Variants in ATRN observed in about 807,000 individuals in gnomAD.
The protein encoded by ATRN is attractin.
ATRN carries 54 observed loss-of-function variants against 178.7 expected under a neutral mutation model. The ratio of observed to expected loss-of-function variants is 0.30; its 90% confidence interval spans 0.24 to 0.38. The LOEUF is 0.38. ATRN is among the 10% of genes least tolerant of loss of function. The probability of loss-of-function intolerance (pLI) is 1.00; values close to 1 mark genes in which losing one functional copy is unlikely to be tolerated. For missense variants in ATRN, 1,443 were observed against 1,815.1 expected, an observed-to-expected ratio of 0.79 and a Z score of 3.73; for synonymous variants, 636 against 663.0, an observed-to-expected ratio of 0.96 and a Z score of 0.63.
At chr20:3,573,204 G>A (rs1394402180) in intron 12 of ATRN, among the ~76,000 whole-genome samples, 1 of 152,126 alleles carries the variant, frequency 6.6e-6, no homozygotes, top group Non-Finnish European at 1.5e-5. Flanking sequence ...CATAGGCTTT[G>A]CATACTGACC....
At chr20:3,571,851 C>T (rs1171100656) in intron 11 of ATRN, among the ~76,000 whole-genome samples, 1 of 152,002 alleles carries the variant, frequency 6.6e-6, no homozygotes, top group East Asian at 1.9e-4. Context: ...ATTTTTCAAT[C>T]TTCTTTTCCC....
chr20:3,640,481 T>G lies in ATRN; in HGVS notation c.4050+1546T>G, dbSNP rs996343353. Among the ~76,000 whole-genome samples, 6 of 152,094 alleles carry G rather than the reference T, an allele frequency of 3.9e-5. No homozygotes were observed. The East Asian group carries it at 9.6e-4, about 24-fold the overall frequency. The stretch of plus-strand genomic sequence containing the variant: ...TGATGGAAAACATGAATATACAGAT[T>G]CCAGAAGCAAAACATATTGTAAGCA... On this transcript the variant is annotated intron_variant, in intron 27 of 28. Transcript: ENST00000262919.
chr20:3,550,429 G>C (rs235595), intron 6 of ATRN, among the ~76,000 whole-genome samples: 1 of 152,008 alleles, frequency 6.6e-6, no homozygotes, highest in Admixed American at 6.5e-5. Context: ...CTCCAGCTTC[G>C]TTCTTTTTGT....
intron 21 of ATRN, among the ~76,000 whole-genome samples, chr20:3,597,074 A>ATATATATATATATATAAAT (rs1555822793): frequency 6.8e-6 from 1 of 146,976 alleles, no homozygotes; most frequent in African/African-American, 2.5e-5. Flanking sequence ...ATATATATAT[A>ATATATATATATATATAAAT]AAACTTCTAA....
At chr20:3,535,626 C>CATAT (rs796505953) in intron 2 of ATRN, among the ~76,000 whole-genome samples, 3 of 115,844 alleles carry the variant, frequency 2.6e-5, no homozygotes, top group Admixed American at 1.7e-4. Context: ...CACACACACA[C>CATAT]ATATATATTT....
intron 1 of ATRN, among the ~76,000 whole-genome samples, chr20:3,526,850 A>G (rs1299613292): frequency 6.6e-6 from 1 of 152,226 alleles, no homozygotes; most frequent in African/African-American, 2.4e-5. Context: ...TATTTAATAA[A>G]TGGTGTCGGG....
At chr20:3,626,542 T>G (rs887300034) in intron 25 of ATRN, among the ~76,000 whole-genome samples, 4 of 152,120 alleles carry the variant, frequency 2.6e-5, no homozygotes, top group African/African-American at 9.7e-5. Context: ...ACTTCAGGCT[T>G]CTTATTTCTT....
chr20:3,536,612 G>T (rs2085537156), intron 2 of ATRN, among the ~76,000 whole-genome samples: 1 of 152,070 alleles, frequency 6.6e-6, no homozygotes, highest in Non-Finnish European at 1.5e-5. Flanking sequence ...AGCCATGTTA[G>T]TACAAATGAT....
chr20:3,600,026 A>G (rs2086587560), intron 22 of ATRN, among the ~76,000 whole-genome samples: 2 of 152,264 alleles, frequency 1.3e-5, no homozygotes, highest in Admixed American at 1.3e-4. Flanking sequence ...TCTTTTAAAA[A>G]TGAATAATTT....
intron 6 of ATRN, among the ~76,000 whole-genome samples, chr20:3,551,427 A>G (rs2085784900): frequency 6.6e-6 from 1 of 152,118 alleles, no homozygotes; most frequent in Non-Finnish European, 1.5e-5. Context: ...AACTGAGACC[A>G]CCTTTTTACT....
At chr20:3,635,299 A>C (rs1318669695) in intron 26 of ATRN, among the ~76,000 whole-genome samples, 1 of 151,972 alleles carries the variant, frequency 6.6e-6, no homozygotes, top group Non-Finnish European at 1.5e-5. Context: ...AATCTCAGAA[A>C]TCACCATGAA....
intron 24 of ATRN, among the ~76,000 whole-genome samples, chr20:3,614,420 G>A (rs1213371156): frequency 6.6e-6 from 1 of 152,192 alleles, no homozygotes; most frequent in Non-Finnish European, 1.5e-5. Context: ...GTAATGTGGA[G>A]CTAATATAGA....
Position 3,471,319 on chromosome 20 carries a change from CGCT to C in ATRN, c.230_232del (p.Leu77del), listed in dbSNP as rs772463780. ...CTGCTGCTGTTGTTGCTCTCGCCGCCGCTGCTGCTGCTGCTGCTGCCCTGTGAG... is the reference window on the plus strand; with the variant it reads ...CTGCTGCTGTTGTTGCTCTCGCCGCCGCTGCTGCTGCTGCTGCCCTGTGAG... On this transcript the variant is annotated inframe_deletion, in exon 1 of 29. Transcript: ENST00000262919. 3.2e-4 allele frequency: 478 copies of C among 1,473,786 alleles called. No homozygotes were observed. Among genetic ancestry groups the C allele is most frequent in the Admixed American group, 1.8e-3 (77 of 41,902 alleles). 91.3% of individuals were successfully genotyped at this position (1,473,786 alleles called of 1,614,324 possible).
At chr20:3,613,251 C>T (rs570286024) in intron 24 of ATRN, among the ~76,000 whole-genome samples, 1 of 152,238 alleles carries the variant, frequency 6.6e-6, no homozygotes, top group South Asian at 2.1e-4. Flanking sequence ...CTATTGCAAA[C>T]GTGTCTTTTT....
chr20:3,584,107 G>C, intron 17 of ATRN, 24 bp downstream of exon 17: 1 of 1,609,430 alleles, frequency 6.2e-7, no homozygotes, highest in Non-Finnish European at 8.5e-7. Flanking sequence ...GGAGCCCTAG[G>C]CACTTATGCA....
At chr20:3,587,198 T>C (rs948720219) in intron 18 of ATRN, among the ~76,000 whole-genome samples, 2 of 152,208 alleles carry the variant, frequency 1.3e-5, no homozygotes, top group Non-Finnish European at 2.9e-5. Context: ...TTTCTTAATA[T>C]GCCTTTTGAA....
intron 15 of ATRN, among the ~76,000 whole-genome samples, chr20:3,581,199 C>T (rs1478788335): frequency 6.6e-6 from 1 of 152,170 alleles, no homozygotes; most frequent in Non-Finnish European, 1.5e-5. Context: ...CTGTAGTGAG[C>T]CATGATCATG....
chr20:3,643,717 A>G (rs2087086366), intron 27 of ATRN, among the ~76,000 whole-genome samples: 1 of 152,210 alleles, frequency 6.6e-6, no homozygotes, highest in East Asian at 1.9e-4. Flanking sequence ...GACAGACAAA[A>G]TAGAATGTTT....
At position 3,628,832 on chromosome 20, in the gene ATRN, T is replaced by C. The variant is rs539105019; in HGVS notation, c.3863+4260T>C. The C allele has an allele frequency of 8.8e-5, 84 of 950,522 alleles. No individual in the cohort carries two copies. In the African/African-American group the frequency reaches 1.5e-3, roughly 17 times the overall value. 58.9% of individuals were successfully genotyped at this position (950,522 alleles called of 1,614,324 possible). A position where few individuals can be genotyped will look rare whatever the true frequency, so the allele number is the denominator to read the frequency against. On this transcript the variant is annotated intron_variant, in intron 25 of 28. Transcript: ENST00000262919. ...CCGTCTCTGACCCATGCTGCCCTAC[T>C]GCTGCTTCTTAGCCTGCCTATTATG...
Sources: allele counts gnomAD v4.1 joint callset (sites outside exome capture counted in the v4.1 genomes callset), GRCh38; gene constraint gnomAD v4.1.1; transcripts MANE v1.5; gene names NCBI Gene and HGNC (gene_info 2026-07-23, HGNC 2026-07-21).